Variants in ERBB4 observed in about 807,000 individuals in gnomAD.
ERBB4 encodes erb-b2 receptor tyrosine kinase 4, also known as receptor tyrosine-protein kinase erbB-4.
A neutral mutation model predicts 158.0 loss-of-function variants in ERBB4; 42 were observed. That is an observed-to-expected ratio of 0.27 (90% CI 0.21 to 0.34). ERBB4 has a LOEUF of 0.34. ERBB4 is among the 10% of genes least tolerant of loss of function. The pLI is 1.00. For missense variants in ERBB4, 1,333 were observed against 1,624.1 expected, an observed-to-expected ratio of 0.82 and a Z score of 3.08; for synonymous variants, 583 against 558.7, an observed-to-expected ratio of 1.04 and a Z score of -0.61.
At chr2:211,916,976 G>A (rs2079710973) in intron 3 of ERBB4, among the ~76,000 whole-genome samples, 1 of 152,154 alleles carries the variant, frequency 6.6e-6, no homozygotes, top group Non-Finnish European at 1.5e-5. Flanking sequence ...ACCTGTTTAT[G>A]AAGATGAAAT....
chr2:212,489,784 A>T (rs1323419825), intron 1 of ERBB4, among the ~76,000 whole-genome samples: 1 of 150,400 alleles, frequency 6.6e-6, no homozygotes, highest in Non-Finnish European at 1.5e-5. Context: ...GCTGTATTTA[A>T]TTCACATTCT....
chr2:211,807,438 C>G (rs936735133), intron 3 of ERBB4, among the ~76,000 whole-genome samples: 3 of 152,136 alleles, frequency 2.0e-5, no homozygotes, highest in Non-Finnish European at 4.4e-5. Context: ...ATGATGGTTT[C>G]TAGCTTCATC....
intron 3 of ERBB4, among the ~76,000 whole-genome samples, chr2:211,888,192 T>A (rs1315720500): frequency 6.6e-6 from 1 of 152,218 alleles, no homozygotes; most frequent in Non-Finnish European, 1.5e-5. Flanking sequence ...AAAACACTTT[T>A]CTTTGGGCTA....
chr2:212,086,531 T>C (rs1359516258), intron 2 of ERBB4, among the ~76,000 whole-genome samples: 1 of 152,046 alleles, frequency 6.6e-6, no homozygotes, highest in Non-Finnish European at 1.5e-5. Context: ...TTAGCTTCTT[T>C]ATGTCTAACT....
chr2:211,554,295 CTG>C (rs1342866877), intron 20 of ERBB4, among the ~76,000 whole-genome samples: 2 of 152,172 alleles, frequency 1.3e-5, no homozygotes, highest in African/African-American at 4.8e-5. Context: ...CATCTATAAA[CTG>C]GGGAAATAAT....
chr2:212,370,812 C>T (rs1022312674), intron 1 of ERBB4, among the ~76,000 whole-genome samples: 5 of 152,092 alleles, frequency 3.3e-5, no homozygotes, highest in African/African-American at 1.2e-4. Context: ...ATGTCAATAG[C>T]AATAAATGAT....
At chr2:212,400,784 A>G (rs1231349058) in intron 1 of ERBB4, among the ~76,000 whole-genome samples, 3 of 152,170 alleles carry the variant, frequency 2.0e-5, no homozygotes, top group Admixed American at 1.3e-4. Flanking sequence ...TTTGAACAAT[A>G]ATTTACCCAC....
chr2:211,932,701 A>T (rs1445632018), intron 3 of ERBB4, among the ~76,000 whole-genome samples: 2 of 151,982 alleles, frequency 1.3e-5, no homozygotes, highest in African/African-American at 2.4e-5. Flanking sequence ...TTAAAAATAC[A>T]AAATTTTGTA....
intron 1 of ERBB4, among the ~76,000 whole-genome samples, chr2:212,139,145 A>G (rs925541482): frequency 6.6e-6 from 1 of 152,138 alleles, no homozygotes; most frequent in Non-Finnish European, 1.5e-5. Flanking sequence ...TAAGATATTG[A>G]AAGTAAAAGT....
At chr2:212,062,173 C>A (rs1481856259) in intron 2 of ERBB4, among the ~76,000 whole-genome samples, 1 of 152,104 alleles carries the variant, frequency 6.6e-6, no homozygotes, top group Non-Finnish European at 1.5e-5. Flanking sequence ...TTCATCTTTT[C>A]TTTATGCAAA....
intron 3 of ERBB4, among the ~76,000 whole-genome samples, chr2:211,858,442 T>A (rs899841285): frequency 6.6e-6 from 1 of 152,222 alleles, no homozygotes; most frequent in Non-Finnish European, 1.5e-5. Context: ...AAAACAAATG[T>A]TTGAAGACTA....
intron 2 of ERBB4, among the ~76,000 whole-genome samples, chr2:212,049,684 T>C (rs984144094): frequency 5.3e-5 from 8 of 152,240 alleles, no homozygotes; most frequent in African/African-American, 1.9e-4. Context: ...TTTAGGTTAT[T>C]TCTTTAAAAA....
chr2:212,361,973 A>G (rs2089703874), intron 1 of ERBB4, among the ~76,000 whole-genome samples: 1 of 151,712 alleles, frequency 6.6e-6, no homozygotes, highest in Non-Finnish European at 1.5e-5. Flanking sequence ...GGTTATATCC[A>G]TTTAAAGCAT....
chr2:211,644,316 A>G (rs1410553841), intron 16 of ERBB4, among the ~76,000 whole-genome samples: 1 of 152,114 alleles, frequency 6.6e-6, no homozygotes, highest in Non-Finnish European at 1.5e-5. Context: ...TTCTAAACTT[A>G]TATAAACACC....
At chr2:211,789,468 G>A (rs2076235431) in intron 3 of ERBB4, among the ~76,000 whole-genome samples, 1 of 152,132 alleles carries the variant, frequency 6.6e-6, no homozygotes, top group African/African-American at 2.4e-5. Context: ...GAAGTCACAA[G>A]AGCAAGCAAG....
At chr2:212,415,544 C>T (rs1395276996) in intron 1 of ERBB4, among the ~76,000 whole-genome samples, 1 of 151,968 alleles carries the variant, frequency 6.6e-6, no homozygotes, top group African/African-American at 2.4e-5. Flanking sequence ...GAACGTGACA[C>T]ATAAAGTTCT....
chr2:212,250,213 A>T lies in ERBB4; in HGVS notation c.83-125310T>A, dbSNP rs2084479422. 1.3e-5 allele frequency among the ~76,000 whole-genome samples: 2 copies of T among 151,878 alleles called. 1 individual carries two copies. The highest frequency in any genetic ancestry group is 4.1e-4 in the South Asian group (2 of 4,836). The stretch of plus-strand genomic sequence containing the variant: ...CTTTTTATTTTCATGTCTCACAATT[A>T]TATTTGTTATGGGTTTCTATTTCAT... On this transcript the variant is annotated intron_variant, in intron 1 of 27. Transcript: ENST00000342788.
chr2:212,081,947 C>T (rs1355073359), intron 2 of ERBB4, among the ~76,000 whole-genome samples: 2 of 152,064 alleles, frequency 1.3e-5, no homozygotes, highest in African/African-American at 4.8e-5. Context: ...TTGTCATTTG[C>T]TTATGAGACT....
chr2:211,691,568 A>G (rs111621412), intron 12 of ERBB4, among the ~76,000 whole-genome samples: 517 of 139,138 alleles, frequency 3.7e-3, no homozygotes, highest in African/African-American at 0.012. Flanking sequence ...ATAGAAACAT[A>G]TGTGTGTGTG....
Sources: allele counts gnomAD v4.1 joint callset (sites outside exome capture counted in the v4.1 genomes callset), GRCh38; gene constraint gnomAD v4.1.1; transcripts MANE v1.5; gene names NCBI Gene and HGNC (gene_info 2026-07-23, HGNC 2026-07-21).